Variants in PLCE1 observed in about 807,000 individuals in gnomAD.
PLCE1 encodes phospholipase C epsilon 1.
PLCE1 carries 119 observed loss-of-function variants against 242.8 expected under a neutral mutation model. The ratio of observed to expected loss-of-function variants is 0.49; its 90% CI spans 0.42 to 0.57. The LOEUF is 0.57. Among genes scored for constraint, PLCE1 ranks in the 20% least tolerant of loss-of-function variants. The probability of loss-of-function intolerance (pLI) is 0.00; values close to 1 mark genes in which losing one functional copy is unlikely to be tolerated. For synonymous variants in PLCE1, 945 were observed against 1,017.4 expected, an observed-to-expected ratio of 0.93 and a Z score of 1.35; for missense variants, 2,441 against 2,788.8, an observed-to-expected ratio of 0.88 and a Z score of 2.81.
At chr10:94,327,534 A>C (rs1441621844) in intron 32 of PLCE1, among the ~76,000 whole-genome samples, 1 of 152,214 alleles carries the variant, frequency 6.6e-6, no homozygotes, top group Non-Finnish European at 1.5e-5. Context: ...AGAGGGAGAG[A>C]GAGCAAAAAG....
chr10:94,173,250 T>TG (rs1232471595), intron 4 of PLCE1, among the ~76,000 whole-genome samples: 2 of 152,166 alleles, frequency 1.3e-5, no homozygotes, highest in Non-Finnish European at 1.5e-5. Flanking sequence ...AGGATTGCAC[T>TG]GGGGGGTGGT....
At chr10:94,269,358 C>A (rs2133110916) in intron 17 of PLCE1, among the ~76,000 whole-genome samples, 1 of 152,088 alleles carries the variant, frequency 6.6e-6, no homozygotes, top group African/African-American at 2.4e-5. Flanking sequence ...CGCCCCTCAG[C>A]CTCCCAAAGT....
intron 2 of PLCE1, among the ~76,000 whole-genome samples, chr10:94,055,316 A>AT (rs34828676): frequency 0.4 from 58,499 of 146,880 alleles, 14,359 homozygotes; most frequent in African/African-American, 0.71. Flanking sequence ...TTGTTGTCTT[A>AT]TTTTTTTTTT....
At chr10:94,250,729 G>A (rs2050845982) in intron 8 of PLCE1, among the ~76,000 whole-genome samples, 1 of 152,112 alleles carries the variant, frequency 6.6e-6, no homozygotes, top group South Asian at 2.1e-4. Context: ...AGCAGTATAG[G>A]TTAATGGTGC....
At chr10:94,307,127 G>A (rs894349056) in intron 26 of PLCE1, among the ~76,000 whole-genome samples, 1 of 152,228 alleles carries the variant, frequency 6.6e-6, no homozygotes, top group Admixed American at 6.5e-5. Context: ...AGGAAGAGGG[G>A]AATGGAGAAT....
intron 4 of PLCE1, among the ~76,000 whole-genome samples, chr10:94,180,208 AC>A (rs2136432918): frequency 6.6e-6 from 1 of 152,094 alleles, no homozygotes; most frequent in Non-Finnish European, 1.5e-5. Flanking sequence ...TCTAAATGAA[AC>A]CATTTTCCTC....
At chr10:94,239,825 C>T (rs763091705) in intron 7 of PLCE1, among the ~76,000 whole-genome samples, 14 of 152,198 alleles carry the variant, frequency 9.2e-5, no homozygotes, top group East Asian at 1.9e-4. Flanking sequence ...CACACACACA[C>T]GTACGCATGT....
intron 2 of PLCE1, among the ~76,000 whole-genome samples, chr10:94,093,449 G>T (rs1042044649): frequency 1.4e-4 from 22 of 152,080 alleles, no homozygotes; most frequent in Non-Finnish European, 1.8e-4. Context: ...AAACAAATAG[G>T]CAGTGACTCA....
At position 94,332,064 on chromosome 10, in the gene PLCE1, T is replaced by G. The variant is rs1270390187; in HGVS notation, c.*4121T>G. 6.6e-6 allele frequency: 1 copy of G among 152,028 alleles called. No homozygotes were observed. 9.4% of individuals were successfully genotyped at this position (152,028 alleles called of 1,614,324 possible). A position where few individuals can be genotyped will look rare whatever the true frequency, so the allele number is the denominator to read the frequency against. On this transcript the variant is annotated 3_prime_UTR_variant, in exon 33 of 33. Coordinates refer to ENST00000371380, the MANE Select transcript of PLCE1 (RefSeq NM_016341.4). ...TTTTTATTTTCAGTAGAGACGGGGG[T>G]TTCACTATGTTGGTAAGGCTGGTCT...
intron 19 of PLCE1, among the ~76,000 whole-genome samples, chr10:94,278,011 C>T (rs1307432737): frequency 6.6e-6 from 1 of 152,090 alleles, no homozygotes; most frequent in African/African-American, 2.4e-5. Flanking sequence ...TCCATAAAAC[C>T]CACTTTGAGA....
At chr10:94,131,528 AAGG>A (rs1430766544) in intron 2 of PLCE1, among the ~76,000 whole-genome samples, 4 of 152,218 alleles carry the variant, frequency 2.6e-5, no homozygotes, top group Non-Finnish European at 5.9e-5. Flanking sequence ...CGGGTGATAA[AAGG>A]AGAAGAAATC....
chr10:94,297,613 A>C (rs895263673), intron 23 of PLCE1, among the ~76,000 whole-genome samples: 1 of 125,614 alleles, frequency 8.0e-6, no homozygotes, highest in East Asian at 2.5e-4. Context: ...AAAAAAAAAA[A>C]AAAAAAAAAA....
chr10:94,214,790 G>A (rs1265228470), intron 4 of PLCE1, among the ~76,000 whole-genome samples: 2 of 152,154 alleles, frequency 1.3e-5, no homozygotes, highest in East Asian at 3.9e-4. Flanking sequence ...GTGCACACCT[G>A]CCCGAGGACC....
At chr10:94,270,958 C>G (rs2051708497) in intron 18 of PLCE1, among the ~76,000 whole-genome samples, 1 of 152,188 alleles carries the variant, frequency 6.6e-6, no homozygotes, top group South Asian at 2.1e-4. Context: ...GCGTGAGACA[C>G]TGCACCCAGC....
chr10:94,058,294 T>TC (rs2043959582), intron 2 of PLCE1, among the ~76,000 whole-genome samples: 2 of 152,234 alleles, frequency 1.3e-5, no homozygotes, highest in African/African-American at 4.8e-5. Context: ...CTTTCTCTCA[T>TC]CGCCTTTCAG....
At chr10:94,322,746 T>A (rs1327374174) in intron 30 of PLCE1, among the ~76,000 whole-genome samples, 1 of 151,104 alleles carries the variant, frequency 6.6e-6, no homozygotes, top group Non-Finnish European at 1.5e-5. Context: ...GATCATGCCA[T>A]TGCGCGTCAG....
At chr10:94,165,639 A>G (rs184137539) in intron 3 of PLCE1, among the ~76,000 whole-genome samples, 1 of 152,320 alleles carries the variant, frequency 6.6e-6, no homozygotes. Flanking sequence ...ACAGGCCAAA[A>G]AAAGCTGAAC....
intron 3 of PLCE1, among the ~76,000 whole-genome samples, chr10:94,158,854 CTTT>C (rs35760715): frequency 1.8e-5 from 2 of 111,532 alleles, no homozygotes; most frequent in Non-Finnish European, 3.6e-5. Flanking sequence ...TCTTCTTTTT[CTTT>C]TTTTTTTTTT....
chr10:94,092,160 T>C (rs951010457), intron 2 of PLCE1, among the ~76,000 whole-genome samples: 9 of 152,136 alleles, frequency 5.9e-5, no homozygotes, highest in African/African-American at 2.2e-4. Flanking sequence ...TCAATAAACC[T>C]CAAGAATCTT....
Sources: gnomAD v4.1 joint callset for allele counts (sites outside exome capture counted in the v4.1 genomes callset) on GRCh38, gnomAD v4.1.1 for gene constraint, MANE v1.5 for transcripts, NCBI Gene and HGNC (gene_info 2026-07-23, HGNC 2026-07-21) for gene names.